The following ECE1 variants were observed in gnomAD, a reference collection of about 807,000 sequenced individuals.
ECE1 encodes the protein endothelin-converting enzyme 1.
Under a neutral mutation model 98.6 loss-of-function variants are expected in ECE1, and 35 were observed. The observed-to-expected ratio is 0.35, with a 90% CI of 0.27 to 0.47. The LOEUF (loss-of-function observed/expected upper bound fraction) is 0.47, where lower values mean the gene tolerates loss of function less well. Ranked by LOEUF, ECE1 falls within the 20% of genes least tolerant of loss-of-function variation. ECE1 has a pLI of 1.00. For synonymous variants in ECE1, 394 were observed against 407.1 expected, an observed-to-expected ratio of 0.97 and a Z score of 0.39; for missense variants, 814 against 1,025.3, an observed-to-expected ratio of 0.79 and a Z score of 2.81.
At position 21,225,674 on chromosome 1, in the gene ECE1, G is replaced by C. The variant is rs1420130970; in HGVS notation, c.1850-234C>G. On this transcript the variant is annotated intron_variant, in intron 16 of 18. Coordinates refer to ENST00000374893, the MANE Select transcript of ECE1 (RefSeq NM_001397.3). The surrounding 1 kb of genome is among the most constrained non-coding windows in gnomAD (Gnocchi z 5.3). The stretch of plus-strand genomic sequence containing the variant: ...GCTCCAGCGTGGCCCGAGGCTCAGT[G>C]GGGCTTGCTTTGTTTTCTTTCTTTT... 1.3e-5 allele frequency among the ~76,000 whole-genome samples: 2 copies of C among 150,914 alleles called. No individual in the cohort carries two copies. Among genetic ancestry groups the C allele is most frequent in the African/African-American group, 4.9e-5 (2 of 40,708 alleles).
chr1:21,303,697 G>A (rs892935016), intron 1 of ECE1, among the ~76,000 whole-genome samples: 4 of 152,144 alleles, frequency 2.6e-5, no homozygotes, highest in African/African-American at 7.2e-5. Context: ...CCCTCAGGCT[G>A]GAGTACAGGG....
chr1:21,273,346 C>CGTGTGTGTGT (rs60168069), intron 3 of ECE1, among the ~76,000 whole-genome samples: 4 of 133,156 alleles, frequency 3.0e-5, no homozygotes, highest in East Asian at 2.1e-4. Flanking sequence ...TGCGTGTGTG[C>CGTGTGTGTGT]GTGTGTGTGT....
chr1:21,263,594 T>C (rs948444280), intron 4 of ECE1, among the ~76,000 whole-genome samples: 3 of 152,050 alleles, frequency 2.0e-5, no homozygotes, highest in African/African-American at 7.2e-5. Context: ...TGACGTGTGA[T>C]CTGCCCACTT....
chr1:21,263,314 G>A (rs1226460879), intron 4 of ECE1, among the ~76,000 whole-genome samples: 2 of 152,128 alleles, frequency 1.3e-5, no homozygotes, highest in African/African-American at 2.4e-5. Flanking sequence ...GAAGATGAGA[G>A]GGTGATGAGG....
chr1:21,273,233 T>C (rs1462470711), intron 3 of ECE1, among the ~76,000 whole-genome samples: 2 of 152,242 alleles, frequency 1.3e-5, no homozygotes, highest in Non-Finnish European at 2.9e-5. Flanking sequence ...CATTCACGCA[T>C]GCATTCATTT....
At chr1:21,309,586 G>A (rs929651559) in intron 1 of ECE1, among the ~76,000 whole-genome samples, 6 of 152,152 alleles carry the variant, frequency 3.9e-5, no homozygotes, top group Admixed American at 3.9e-4. Context: ...ACCTGCCATT[G>A]TCCCAAGCAG....
At chr1:21,247,587 G>A (rs2098205652) in intron 8 of ECE1, among the ~76,000 whole-genome samples, 1 of 152,190 alleles carries the variant, frequency 6.6e-6, no homozygotes, top group African/African-American at 2.4e-5. Flanking sequence ...AATGGAATGA[G>A]GATGCAATGA....
intron 12 of ECE1, among the ~76,000 whole-genome samples, 157 bp downstream of exon 12, chr1:21,236,589 C>T (rs537202143): frequency 2.0e-5 from 3 of 152,304 alleles, no homozygotes; most frequent in African/African-American, 4.8e-5. Flanking sequence ...GCGGAGGTTG[C>T]GGTGAGCCAA....
At position 21,344,370 on chromosome 1, in the gene ECE1, A is replaced by C. The variant is rs535969183; in HGVS notation, c.3+1006T>G. Among the ~76,000 whole-genome samples the C allele has an allele frequency of 4.3e-4, 66 of 152,296 alleles. No homozygotes were observed. The South Asian group carries it at 0.014, about 32-fold the overall frequency. On this transcript the variant is annotated intron_variant, in intron 1 of 18. Transcript: ENST00000415912. ...ACCATCCCAGGCACATGCCCTCCTC[A>C]GCCCTACATGGTGACTTTGACCCAC...
rs2103264018 is a variant in ECE1, at chr1:21,247,377, G to T, written c.1021-14C>A. On this transcript the variant is annotated splice_polypyrimidine_tract_variant and intron_variant, in intron 8 of 18. Transcript: ENST00000374893. The stretch of plus-strand genomic sequence containing the variant: ...GGGTGCCAAGGTCTGCAAGGGAAAA[G>T]GACAGTGTGACCCTGTGGGGCTGCT... 1 of 1,614,206 alleles carries T rather than the reference G, an allele frequency of 6.2e-7. No homozygotes were observed. Among genetic ancestry groups the T allele is most frequent in the East Asian group, 2.2e-5 (1 of 44,886 alleles).
chr1:21,296,533 GAAATA>G (rs147007882), intron 1 of ECE1, among the ~76,000 whole-genome samples: 2,988 of 152,092 alleles, frequency 0.02, 107 homozygotes, highest in African/African-American at 0.067. Flanking sequence ...AAAAGAGAGA[GAAATA>G]AAATAAAATA....
At position 21,317,455 on chromosome 1, in the gene ECE1, T is replaced by C. The variant is rs886891231; in HGVS notation, c.4-27299A>G. On this transcript the variant is annotated intron_variant, in intron 1 of 18. Coordinates refer to the ECE1 transcript ENST00000415912. Reference sequence around the variant, plus strand: ...TCAGATGGGGAAAAGGGTTTGCTTGTCACAAGGCCAGTCCAGCCCGCGGCG... The same window carrying C: ...TCAGATGGGGAAAAGGGTTTGCTTGCCACAAGGCCAGTCCAGCCCGCGGCG... 6.6e-5 allele frequency among the ~76,000 whole-genome samples: 10 copies of C among 152,282 alleles called. No individual in the cohort carries two copies. In the South Asian group the frequency reaches 1.9e-3, roughly 28 times the overall value.
At position 21,245,325 on chromosome 1, in the gene ECE1, G is replaced by C. The variant is rs112646416; in HGVS notation, c.1164-222C>G. The stretch of plus-strand genomic sequence containing the variant: ...ACCATAGGAAACGCTTCAGTGTTGA[G>C]TGCAGTCACTTGTATACCACAGGTG... On this transcript the variant is annotated intron_variant, in intron 9 of 18. Coordinates refer to ENST00000374893, the MANE Select transcript of ECE1 (RefSeq NM_001397.3). Among the ~76,000 whole-genome samples, 394 of 152,358 alleles carry C rather than the reference G, an allele frequency of 2.6e-3. 2 individuals are homozygous for C. Among genetic ancestry groups the C allele is most frequent in the African/African-American group, 8.9e-3 (371 of 41,580 alleles).
intron 1 of ECE1, among the ~76,000 whole-genome samples, chr1:21,342,177 T>A (rs1639411299): frequency 6.6e-6 from 1 of 152,098 alleles, no homozygotes; most frequent in African/African-American, 2.4e-5. Flanking sequence ...AGCGGTAGCC[T>A]CAACTCAGCC....
chr1:21,267,733 C>A (rs2098235704), intron 4 of ECE1, among the ~76,000 whole-genome samples: 1 of 152,188 alleles, frequency 6.6e-6, no homozygotes, highest in Non-Finnish European at 1.5e-5. Flanking sequence ...CCTGTAGACA[C>A]CATACTGGAT....
At position 21,327,262 on chromosome 1, in the gene ECE1, C is replaced by T. The variant is rs1424751277; in HGVS notation, c.3+18114G>A. Among the ~76,000 whole-genome samples the T allele has an allele frequency of 6.6e-6, 1 of 152,222 alleles. No homozygotes were observed. Among genetic ancestry groups the T allele is most frequent in the African/African-American group, 2.4e-5 (1 of 41,456 alleles). On this transcript the variant is annotated intron_variant, in intron 1 of 18. Coordinates refer to the ECE1 transcript ENST00000415912. The surrounding 1 kb of genome is among the most constrained non-coding windows in gnomAD (Gnocchi z 4.6). Reference sequence around the variant, plus strand: ...CTGGAAGGCCCTGGGATGGGAGGCTCCAGCTTAGCGTCTGGCTCTAACGCT... The same window carrying T: ...CTGGAAGGCCCTGGGATGGGAGGCTTCAGCTTAGCGTCTGGCTCTAACGCT...
In ECE1 at chr1:21,260,991, C is replaced by T. The variant is rs2098226097; in HGVS notation, c.494-599G>A. 6.6e-6 allele frequency among the ~76,000 whole-genome samples: 1 copy of T among 152,196 alleles called. No individual in the cohort carries two copies. The highest frequency in any genetic ancestry group is 2.4e-5 in the African/African-American group (1 of 41,442). ...TGCAGTGGCTTCTCAGACCTTACCC[C>T]AGACACCCGGAGATTCTGTTCCCTT... On this transcript the variant is annotated intron_variant, in intron 4 of 18. Transcript: ENST00000374893. The surrounding 1 kb of genome is among the most constrained non-coding windows in gnomAD (Gnocchi z 4.3).
At chr1:21,304,184 C>T (rs1454759535) in intron 1 of ECE1, among the ~76,000 whole-genome samples, 4 of 151,254 alleles carry the variant, frequency 2.6e-5, no homozygotes, top group Middle Eastern at 6.9e-3. Flanking sequence ...GGTGTGGTGG[C>T]GGGCGCCTGT....
At chr1:21,249,962 A>T (rs1020122624) in intron 8 of ECE1, among the ~76,000 whole-genome samples, 1 of 125,776 alleles carries the variant, frequency 8.0e-6, no homozygotes, top group East Asian at 2.3e-4. Flanking sequence ...TTTTTTTAAT[A>T]GAGACGGGGT....
Sources: allele counts gnomAD v4.1 joint callset (sites outside exome capture counted in the v4.1 genomes callset), GRCh38; gene constraint gnomAD v4.1.1; non-coding constraint Gnocchi (gnomAD v3.1); transcripts MANE v1.5; gene names NCBI Gene and HGNC (gene_info 2026-07-23, HGNC 2026-07-21).